SEC14L5: variants seen among roughly 807,000 people sequenced by gnomAD.
SEC14L5 encodes SEC14 like lipid binding 5, also known as SEC14-like protein 5.
In SEC14L5, 96 loss-of-function variants were observed where a neutral mutation model predicts 84.6. The ratio of observed to expected loss-of-function variants is 1.13; its 90% CI spans 0.96 to 1.34. The LOEUF (loss-of-function observed/expected upper bound fraction) is 1.34, where lower values mean the gene tolerates loss of function less well. SEC14L5 is among the 40% of genes most tolerant of loss of function. The probability of loss-of-function intolerance (pLI) is 0.00; values close to 1 mark genes in which losing one functional copy is unlikely to be tolerated. For synonymous variants in SEC14L5, 546 were observed against 383.4 expected (o/e 1.42, Z -4.95); for missense variants, 1,224 against 942.5 (o/e 1.30, Z -3.91).
chr16:5,016,739 A>C lies in SEC14L5; in HGVS notation c.*1769A>C, dbSNP rs1218153405. On this transcript the variant is annotated 3_prime_UTR_variant, in exon 16 of 16. Transcript: ENST00000251170. Reference sequence around the variant, plus strand: ...ATGCAGGGCCAGGAAACTTATATCTACGCCAGCCTCAACCCCAAACCCAAG... The same window carrying C: ...ATGCAGGGCCAGGAAACTTATATCTCCGCCAGCCTCAACCCCAAACCCAAG... 6.6e-6 allele frequency: 1 copy of C among 152,124 alleles called. No individual in the cohort carries two copies. Among genetic ancestry groups the C allele is most frequent in the East Asian group, 1.9e-4 (1 of 5,182 alleles). 9.4% of individuals were successfully genotyped at this position (152,124 alleles called of 1,614,324 possible).
chr16:5,006,187 G>T, intron 12 of SEC14L5, 139 bp downstream of exon 12: 1 of 826,690 alleles, frequency 1.2e-6, no homozygotes. Context: ...GGCAGGTCTT[G>T]CTGGCTCTCA....
intron 2 of SEC14L5, among the ~76,000 whole-genome samples, chr16:4,975,532 G>A (rs907397452): frequency 2.0e-5 from 3 of 149,610 alleles, no homozygotes; most frequent in Non-Finnish European, 4.4e-5. Flanking sequence ...GTAGTATTCC[G>A]TGGTGTATAT....
intron 7 of SEC14L5, among the ~76,000 whole-genome samples, 176 bp from the exon 8 acceptor site, chr16:4,996,679 C>T (rs1210466914): frequency 6.6e-6 from 1 of 152,062 alleles, no homozygotes; most frequent in Non-Finnish European, 1.5e-5. Context: ...TCAAGCAATT[C>T]TCCTGCCCTA....
chr16:4,999,612 C>G (rs1027487916), intron 8 of SEC14L5, among the ~76,000 whole-genome samples: 2 of 145,614 alleles, frequency 1.4e-5, no homozygotes, highest in Admixed American at 6.8e-5. Flanking sequence ...AGAGTGAAAC[C>G]CTGCCTCAAA....
chr16:4,990,759 G>C lies in SEC14L5; in HGVS notation c.346-8G>C. The C allele has an allele frequency of 3.7e-6, 6 of 1,604,460 alleles. No individual in the cohort carries two copies. The highest frequency in any genetic ancestry group is 5.1e-6 in the Non-Finnish European group (6 of 1,175,180). On this transcript the variant is annotated splice_region_variant and splice_polypyrimidine_tract_variant and intron_variant, in intron 4 of 15. Transcript: ENST00000251170. ...GAGTCCCTGGCATGACCCCTGCCTG[G>C]CTTTCAGGTCCACCCTGAGAATGAA...
chr16:5,004,461 G>A (rs978102833), intron 11 of SEC14L5, among the ~76,000 whole-genome samples: 7 of 152,130 alleles, frequency 4.6e-5, no homozygotes, highest in African/African-American at 1.7e-4. Flanking sequence ...GTCCTGAAGG[G>A]GCTCCTTGCA....
intron 13 of SEC14L5, 33 bp downstream of exon 13, chr16:5,007,519 G>C (rs1408754932): frequency 1.2e-6 from 2 of 1,606,434 alleles, no homozygotes; most frequent in Non-Finnish European, 8.5e-7. Context: ...GGCCCGCTGA[G>C]CTGGAGTGTC....
chr16:4,997,107 T>A, intron 8 of SEC14L5, 63 bp downstream of exon 8: 1 of 1,250,712 alleles, frequency 8.0e-7, no homozygotes, highest in East Asian at 2.7e-5. Context: ...TGCACTTTAT[T>A]TATTATTTTG....
intron 6 of SEC14L5, among the ~76,000 whole-genome samples, chr16:4,993,991 C>T (rs1596632455): frequency 1.5e-5 from 2 of 131,438 alleles, no homozygotes; most frequent in Non-Finnish European, 3.2e-5. Context: ...TTTAATAATA[C>T]ATACTTGTTC....
intron 3 of SEC14L5, 28 bp from the exon 4 acceptor site, chr16:4,988,121 C>T (rs192375258): frequency 8.7e-6 from 14 of 1,612,022 alleles, no homozygotes; most frequent in Non-Finnish European, 1.1e-5. Flanking sequence ...GCCCACCCAC[C>T]TCCGCCTCCC....
At chr16:4,962,686 CA>C (rs761644374) in intron 2 of SEC14L5, among the ~76,000 whole-genome samples, 4,029 of 81,190 alleles carry the variant, frequency 0.05, 139 homozygotes, top group African/African-American at 0.16. Context: ...AACTCTGTCT[CA>C]AAAAAAAAAA....
chr16:4,980,675 C>G (rs1056479514), intron 2 of SEC14L5, among the ~76,000 whole-genome samples: 14 of 152,116 alleles, frequency 9.2e-5, no homozygotes, highest in Non-Finnish European at 1.8e-4. Flanking sequence ...TCACAAGTCT[C>G]CTGTTACAAG....
chr16:4,971,078 C>T (rs1955271974), intron 2 of SEC14L5, among the ~76,000 whole-genome samples: 1 of 144,724 alleles, frequency 6.9e-6, no homozygotes, highest in Non-Finnish European at 1.5e-5. Context: ...GCACTCCAGC[C>T]TGGTGACAGA....
At chr16:5,010,319 A>C (rs745750851) in intron 14 of SEC14L5, among the ~76,000 whole-genome samples, 14 of 151,488 alleles carry the variant, frequency 9.2e-5, no homozygotes, top group Non-Finnish European at 4.4e-5. Context: ...AGCTGAGATC[A>C]TGCCATTATA....
At chr16:5,001,751 G>A (rs1388107922) in intron 10 of SEC14L5, among the ~76,000 whole-genome samples, 1 of 151,896 alleles carries the variant, frequency 6.6e-6, no homozygotes, top group African/African-American at 2.4e-5. Flanking sequence ...TTTCTGAGCA[G>A]CAGCTTCCTC....
chr16:4,985,183 G>A (rs938767352), intron 2 of SEC14L5, among the ~76,000 whole-genome samples: 1 of 151,948 alleles, frequency 6.6e-6, no homozygotes, highest in Non-Finnish European at 1.5e-5. Flanking sequence ...TAAGAGTTTT[G>A]TAGTTTTTAA....
chr16:4,982,390 G>A (rs1478364523), intron 2 of SEC14L5, among the ~76,000 whole-genome samples: 1 of 152,150 alleles, frequency 6.6e-6, no homozygotes, highest in Non-Finnish European at 1.5e-5. Flanking sequence ...CACAGATGCT[G>A]GGATACGCCC....
intron 2 of SEC14L5, among the ~76,000 whole-genome samples, chr16:4,967,775 G>T (rs1024339019): frequency 1.3e-5 from 2 of 150,160 alleles, no homozygotes; most frequent in African/African-American, 4.9e-5. Flanking sequence ...GTTTCACCAT[G>T]TTGGCCAGGC....
In SEC14L5 at chr16:5,015,080, C is replaced by T. The variant is rs1486656514; in HGVS notation, c.*110C>T. 3 of 826,416 alleles carry T rather than the reference C, an allele frequency of 3.6e-6. No individual in the cohort carries two copies. The highest frequency in any genetic ancestry group is 5.7e-6 in the Non-Finnish European group (3 of 525,878). 51.2% of individuals were successfully genotyped at this position (826,416 alleles called of 1,614,324 possible). On this transcript the variant is annotated 3_prime_UTR_variant, in exon 16 of 16. Transcript: ENST00000251170. Reference sequence around the variant, plus strand: ...GGACCATGTGGGCTGGAGCCCCAGGCCTAGATGCTGCCCAAGTTGGGGTGT... The same window carrying T: ...GGACCATGTGGGCTGGAGCCCCAGGTCTAGATGCTGCCCAAGTTGGGGTGT...
Sources: allele counts gnomAD v4.1 joint callset (sites outside exome capture counted in the v4.1 genomes callset), GRCh38; gene constraint gnomAD v4.1.1; transcripts MANE v1.5; gene names NCBI Gene and HGNC (gene_info 2026-07-23, HGNC 2026-07-21).